The following TIAM2 variants were observed in gnomAD, a reference collection of about 807,000 sequenced individuals.
The protein encoded by TIAM2 is TIAM Rac1 associated GEF 2, also known as rho guanine nucleotide exchange factor TIAM2.
Under a neutral mutation model 152.9 loss-of-function variants are expected in TIAM2, and 80 were observed. That is an observed-to-expected ratio of 0.52 (90% confidence interval 0.44 to 0.63). The LOEUF is 0.63. Ranked by LOEUF, TIAM2 falls within the 30% of genes least tolerant of loss-of-function variation. The pLI is 0.00. For synonymous variants in TIAM2, 804 were observed against 838.0 expected, an observed-to-expected ratio of 0.96 and a Z score of 0.70; for missense variants, 1,965 against 2,120.1, an observed-to-expected ratio of 0.93 and a Z score of 1.44.
At chr6:155,221,966 T>G (rs1222273812) in intron 15 of TIAM2, among the ~76,000 whole-genome samples, 3 of 152,006 alleles carry the variant, frequency 2.0e-5, no homozygotes, top group African/African-American at 2.4e-5. Context: ...TTATTTTTGT[T>G]TTTTTGAGAG....
Position 155,250,897 on chromosome 6 carries a change from T to C in TIAM2, c.3952-16T>C. ...GGATTTCCGTATCTTCCTTACCTCCTGTTTTTACAATCTAGGTAACAGAAC... is the reference window on the plus strand; with the variant it reads ...GGATTTCCGTATCTTCCTTACCTCCCGTTTTTACAATCTAGGTAACAGAAC... On this transcript the variant is annotated splice_polypyrimidine_tract_variant and intron_variant, in intron 21 of 26. Transcript: ENST00000682666. 1 of 1,612,102 alleles carries C rather than the reference T, an allele frequency of 6.2e-7. No homozygotes were observed. The highest frequency in any genetic ancestry group is 8.5e-7 in the Non-Finnish European group (1 of 1,178,116).
chr6:155,034,243 T>C lies in TIAM2; in HGVS notation c.-209+38751T>C, dbSNP rs1470563459. 4.7e-5 allele frequency among the ~76,000 whole-genome samples: 7 copies of C among 149,906 alleles called. No individual in the cohort carries two copies. In the East Asian group the frequency reaches 1.4e-3, roughly 29 times the overall value. On this transcript the variant is annotated intron_variant, in intron 1 of 26. Transcript: ENST00000682666. ...GTTGAGACCTCTCTTCTGGGGTCCATTGGTTTTTTTGTTTTTGTTTTGTTT... is the reference window on the plus strand; with the variant it reads ...GTTGAGACCTCTCTTCTGGGGTCCACTGGTTTTTTTGTTTTTGTTTTGTTT...
chr6:155,172,670 ATATATATATATATATATTTTTTTT>A (rs1780635324), intron 9 of TIAM2, among the ~76,000 whole-genome samples: 2 of 9,800 alleles, frequency 2.0e-4, no homozygotes, highest in African/African-American at 3.1e-4. Context: ...ATATATATAT[ATATATATATATATATATTTTTTTT>A]TTTTTTTTTT....
rs139549580 is a variant in TIAM2 at position 155,183,352 on chromosome 6, C to G, written c.2916C>G (p.Ala972=). 1.2e-5 allele frequency: 20 copies of G among 1,612,928 alleles called. No homozygotes were observed. Among genetic ancestry groups the G allele is most frequent in the Non-Finnish European group, 1.5e-5 (18 of 1,179,582 alleles). The part of the protein sequence containing the change: ...SEKSVGLTLI[A]RPPDTKATLC... ...AGAGCGTCGGACTCACTCTGATTGC[C>G]CGGCCTCCGGACACAAAAGCAACCC... Residue 972 remains alanine (A), a synonymous_variant, in exon 14 of 27, where the codon GCC becomes GCG. Coordinates refer to ENST00000682666, the MANE Select transcript of TIAM2 (RefSeq NM_012454.4).
intron 2 of TIAM2, among the ~76,000 whole-genome samples, chr6:155,119,668 C>T (rs1050835813): frequency 6.6e-6 from 1 of 152,190 alleles, no homozygotes; most frequent in East Asian, 1.9e-4. Flanking sequence ...TTTTGGGACT[C>T]GTCGGAGCTT....
Position 155,113,195 on chromosome 6 carries a change from A to G in TIAM2, c.-117-14295A>G, listed in dbSNP as rs887060773. Among the ~76,000 whole-genome samples the G allele has an allele frequency of 2.6e-5, 4 of 151,972 alleles. No homozygotes were observed. In the East Asian group the frequency reaches 7.7e-4, roughly 29 times the overall value. ...TCCCCTCGCTTGCTCTGCTGCGGCCATGCTGGTCCCTGCCTCTCCGGCACT... is the reference window on the plus strand; with the variant it reads ...TCCCCTCGCTTGCTCTGCTGCGGCCGTGCTGGTCCCTGCCTCTCCGGCACT... On this transcript the variant is annotated intron_variant, in intron 2 of 26. Transcript: ENST00000682666.
rs749260983 is a variant in TIAM2 at position 155,130,075 on chromosome 6, C to T, written c.852C>T (p.Gly284=). 14 of 1,613,938 alleles carry T rather than the reference C, an allele frequency of 8.7e-6. No individual in the cohort carries two copies. The highest frequency in any genetic ancestry group is 5.5e-5 in the South Asian group (5 of 91,086). Residue 284 remains glycine (G), a synonymous_variant, in exon 4 of 27, where the codon GGC becomes GGT. Coordinates refer to ENST00000682666, the MANE Select transcript of TIAM2 (RefSeq NM_012454.4). ...GTCTCCATGCCAGCTTCCCACCTGGCGATGCCAAAAAGCCTTTCAACCAAA... is the reference window on the plus strand; with the variant it reads ...GTCTCCATGCCAGCTTCCCACCTGGTGATGCCAAAAAGCCTTTCAACCAAA... The part of the protein sequence containing the change: ...DPSLHASFPP[G]DAKKPFNQSS...
intron 1 of TIAM2, among the ~76,000 whole-genome samples, chr6:155,041,864 G>T (rs1319214804): frequency 6.6e-6 from 1 of 152,124 alleles, no homozygotes; most frequent in Non-Finnish European, 1.5e-5. Flanking sequence ...AGCATGAGAG[G>T]AAAATAAGTG....
Position 155,240,454 on chromosome 6 carries a change from C to T in TIAM2, c.3169-76C>T, listed in dbSNP as rs951304298. ...TCCCTGCTGAGCACAGACGGAGACA[C>T]TTGGTGCCCTTGGGGGCAGCGGATA... is the stretch of plus-strand genomic sequence containing the variant. On this transcript the variant is annotated intron_variant, in intron 15 of 26. Transcript: ENST00000682666. 5.5e-5 allele frequency: 82 copies of T among 1,477,548 alleles called. 1 individual carries two copies. The highest frequency in any genetic ancestry group is 6.5e-5 in the Non-Finnish European group (71 of 1,097,194). 91.5% of individuals were successfully genotyped at this position (1,477,548 alleles called of 1,614,324 possible). A position where few individuals can be genotyped will look rare whatever the true frequency, so the allele number is the denominator to read the frequency against.
At chr6:155,193,656 C>T (rs1781263691) in intron 14 of TIAM2, among the ~76,000 whole-genome samples, 1 of 152,144 alleles carries the variant, frequency 6.6e-6, no homozygotes, top group African/African-American at 2.4e-5. Context: ...TTCCTCAATG[C>T]TACGATTGTG....
chr6:155,238,757 G>A (rs949494257), intron 15 of TIAM2, among the ~76,000 whole-genome samples: 2 of 152,240 alleles, frequency 1.3e-5, no homozygotes, highest in African/African-American at 2.4e-5. Flanking sequence ...AGTCTTTGTT[G>A]ATTCCAGATT....
At position 155,073,107 on chromosome 6, in the gene TIAM2, T is replaced by C. The variant is rs369486889; in HGVS notation, c.-208-17182T>C. Among the ~76,000 whole-genome samples, 5 of 152,020 alleles carry C rather than the reference T, an allele frequency of 3.3e-5. No individual in the cohort carries two copies. In the East Asian group the frequency reaches 7.7e-4, roughly 23 times the overall value. On this transcript the variant is annotated intron_variant, in intron 1 of 26. Transcript: ENST00000682666. ...GAGATTAAAGGACTTTATAAAGAAT[T>C]ATCCATTATTTGCTGTGCCTGGTGC... is the stretch of plus-strand genomic sequence containing the variant.
chr6:155,237,965 C>A (rs1454277926), intron 15 of TIAM2, among the ~76,000 whole-genome samples: 1 of 152,264 alleles, frequency 6.6e-6, no homozygotes, highest in African/African-American at 2.4e-5. Context: ...CTGCAGCCAG[C>A]TTAGATTTCT....
Position 155,122,967 on chromosome 6 carries a change from G to A in TIAM2, c.-117-4523G>A, listed in dbSNP as rs146794171. Among the ~76,000 whole-genome samples, 387 of 150,906 alleles carry A rather than the reference G, an allele frequency of 2.6e-3. 4 individuals are homozygous for A. The highest frequency in any genetic ancestry group is 2.3e-3 in the Non-Finnish European group (158 of 67,854). On this transcript the variant is annotated intron_variant, in intron 2 of 26. Coordinates refer to ENST00000682666, the MANE Select transcript of TIAM2 (RefSeq NM_012454.4). ...ACTTGAATATCATAAAATTCCTTTA[G>A]TAAAGGAGTCAGGGGGCCAGAGGTT...
At chr6:155,141,988 C>G (rs182280791) in intron 5 of TIAM2, among the ~76,000 whole-genome samples, 1 of 152,330 alleles carries the variant, frequency 6.6e-6, no homozygotes, top group East Asian at 1.9e-4. Context: ...AACGACCCCT[C>G]CAAGCCAAGA....
intron 15 of TIAM2, among the ~76,000 whole-genome samples, chr6:155,221,865 G>C (rs1244827130): frequency 6.6e-6 from 1 of 152,188 alleles, no homozygotes; most frequent in Non-Finnish European, 1.5e-5. Flanking sequence ...TGTGGGAGAA[G>C]AAAGCAGGAA....
In TIAM2 at chr6:155,179,368, C is replaced by T. The variant is rs1780838149; in HGVS notation, c.2629-10C>T. On this transcript the variant is annotated splice_polypyrimidine_tract_variant and intron_variant, in intron 11 of 26. Transcript: ENST00000682666. The stretch of plus-strand genomic sequence containing the variant: ...AGATCCTCTGATTTTGTTGTTTTCA[C>T]CTTTTGCAGGTTTATGATGAAATAG... 1.2e-6 allele frequency: 2 copies of T among 1,613,090 alleles called. No individual in the cohort carries two copies. The highest frequency in any genetic ancestry group is 1.7e-6 in the Non-Finnish European group (2 of 1,179,754).
chr6:155,254,348 A>G, intron 25 of TIAM2, 71 bp from the exon 26 acceptor site: 1 of 1,563,960 alleles, frequency 6.4e-7, no homozygotes, highest in Non-Finnish European at 8.7e-7. Flanking sequence ...ACAGGAACAC[A>G]GGCGGGCGTG....
rs1374220129 is a variant in TIAM2 at position 155,182,386 on chromosome 6, A to G, written c.2800+68A>G. ...ACTGTGGGATACAGTCTGGCTAGTGAATGTTTCTTCTTACAGTTTTGTCAG... is the reference window on the plus strand; with the variant it reads ...ACTGTGGGATACAGTCTGGCTAGTGGATGTTTCTTCTTACAGTTTTGTCAG... On this transcript the variant is annotated intron_variant, in intron 13 of 26. Coordinates refer to ENST00000682666, the MANE Select transcript of TIAM2 (RefSeq NM_012454.4). The G allele has an allele frequency of 4.6e-6, 6 of 1,308,276 alleles. 1 individual carries two copies. The highest frequency in any genetic ancestry group is 1.2e-5 in the South Asian group (1 of 80,756). The allele number at this position is 1,308,276 out of a possible 1,614,324, so 81.0% of individuals were successfully genotyped here.
Sources: allele counts gnomAD v4.1 joint callset (sites outside exome capture counted in the v4.1 genomes callset), GRCh38; gene constraint gnomAD v4.1.1; transcripts MANE v1.5; gene names NCBI Gene and HGNC (gene_info 2026-07-23, HGNC 2026-07-21).